Variants in HSD17B4 observed in about 807,000 individuals in gnomAD.
HSD17B4 encodes the protein hydroxysteroid 17-beta dehydrogenase 4, also known as peroxisomal multifunctional enzyme type 2.
A neutral mutation model predicts 101.0 loss-of-function variants in HSD17B4; 70 were observed. That is an observed-to-expected ratio of 0.69 (90% CI 0.57 to 0.85). The LOEUF is 0.85. Among genes scored for constraint, HSD17B4 ranks in the 40% least tolerant of loss-of-function variants. The pLI is 0.00. For synonymous variants in HSD17B4, 347 were observed against 297.1 expected, an observed-to-expected ratio of 1.17 and a Z score of -1.73; for missense variants, 984 against 892.4, an observed-to-expected ratio of 1.10 and a Z score of -1.31.
At chr5:119,531,445 C>G (rs910754382) in intron 22 of HSD17B4, 41 bp downstream of exon 22, 4 of 1,569,926 alleles carry the variant, frequency 2.5e-6, no homozygotes, top group Middle Eastern at 1.7e-4. Flanking sequence ...TAAGGTAATT[C>G]TTAGTAAATA....
chr5:119,471,567 T>A (rs1375589190), intron 2 of HSD17B4: 1 of 610,498 alleles, frequency 1.6e-6, no homozygotes, highest in Non-Finnish European at 2.5e-6. Context: ...ATTGTGTTAA[T>A]CATAACTATT....
At chr5:119,502,120 A>C (rs1751224896) in intron 14 of HSD17B4, 28 bp downstream of exon 14, 1 of 1,376,178 alleles carries the variant, frequency 7.3e-7, no homozygotes. Context: ...TAATTCCATA[A>C]TACCATACTT....
chr5:119,508,049 A>T (rs1275710219), intron 15 of HSD17B4, among the ~76,000 whole-genome samples: 1 of 152,042 alleles, frequency 6.6e-6, no homozygotes, highest in East Asian at 1.9e-4. Context: ...ATCAATTGAG[A>T]ACATTTTTGA....
chr5:119,487,234 T>C (rs1270214107), intron 8 of HSD17B4: 1 of 137,992 alleles, frequency 7.2e-6, no homozygotes, highest in Non-Finnish European at 1.6e-5. Context: ...CTAGGGACTC[T>C]TTTCTATTTT....
chr5:119,494,988 A>G (rs1223690717), intron 11 of HSD17B4, among the ~76,000 whole-genome samples: 2 of 152,018 alleles, frequency 1.3e-5, no homozygotes, highest in African/African-American at 4.8e-5. Context: ...TCTCATAGTA[A>G]TGTAATATTT....
chr5:119,530,266 A>C (rs1753950559), intron 21 of HSD17B4, among the ~76,000 whole-genome samples: 1 of 152,172 alleles, frequency 6.6e-6, no homozygotes, highest in South Asian at 2.1e-4. Flanking sequence ...ATCTTAAGCA[A>C]ACAGCGTTTT....
intron 19 of HSD17B4, 96 bp from the exon 20 acceptor site, chr5:119,527,037 C>A (rs913032400): frequency 2.9e-6 from 2 of 680,416 alleles, no homozygotes; most frequent in Non-Finnish European, 5.3e-6. Context: ...TTTTTTTTTT[C>A]TTTTGTGCTC....
At chr5:119,455,566 C>G (rs11742193) in intron 1 of HSD17B4, among the ~76,000 whole-genome samples, 1 of 120,010 alleles carries the variant, frequency 8.3e-6, no homozygotes, top group Non-Finnish European at 1.8e-5. Context: ...CTCTCTCTCT[C>G]TCTATATATA....
chr5:119,499,407 A>G lies in HSD17B4; in HGVS notation c.1063A>G (p.Ile355Val), dbSNP rs201340722. 2.5e-6 allele frequency: 4 copies of G among 1,613,722 alleles called. No homozygotes were observed. The highest frequency in any genetic ancestry group is 2.2e-5 in the East Asian group (1 of 44,832). ...IMYALGVGAS[I>V]KDPKDLKFIY... Reference sequence around the variant, plus strand: ...GTATGCCCTTGGAGTGGGAGCGTCAATCAAGGATCCAAAAGATTTGAAATT... The same window carrying G: ...GTATGCCCTTGGAGTGGGAGCGTCAGTCAAGGATCCAAAAGATTTGAAATT... The change falls in exon 13 of 24, where the codon ATC becomes GTC. Residue 355 changes from isoleucine to valine, a missense_variant. Transcript: ENST00000510025.
intron 9 of HSD17B4, among the ~76,000 whole-genome samples, chr5:119,491,731 G>A (rs1750126676): frequency 1.3e-5 from 2 of 152,040 alleles, no homozygotes; most frequent in South Asian, 4.1e-4. Context: ...TATATTGTTT[G>A]CTTCATGGTA....
intron 17 of HSD17B4, among the ~76,000 whole-genome samples, chr5:119,520,255 G>A (rs2126855900): frequency 6.6e-6 from 1 of 152,134 alleles, no homozygotes; most frequent in East Asian, 1.9e-4. Flanking sequence ...ATGGCAGCTG[G>A]GCAGGGCTGG....
chr5:119,503,838 G>A (rs984637611), intron 14 of HSD17B4, among the ~76,000 whole-genome samples: 5 of 151,544 alleles, frequency 3.3e-5, no homozygotes, highest in African/African-American at 2.4e-5. Flanking sequence ...GATTTATTAC[G>A]TGGGTGTATT....
At chr5:119,452,688 C>T in intron 1 of HSD17B4, 55 bp downstream of exon 1, 1 of 1,610,810 alleles carries the variant, frequency 6.2e-7, no homozygotes, top group Admixed American at 1.7e-5. Context: ...GCTGGCTGCT[C>T]TTTTCGGGCC....
chr5:119,506,838 G>T lies in HSD17B4; in HGVS notation c.1282G>T (p.Val428Phe). ...PRAGKLKCEA[V>F]VADVLDKGSG... The stretch of plus-strand genomic sequence containing the variant: ...TCTAGGAAAATTAAAATGTGAAGCA[G>T]TTGTTGCTGATGTCCTAGATAAAGG... Residue 428 changes from valine to phenylalanine, a missense_variant, in exon 15 of 24, where the codon GTT becomes TTT. Val to Phe is a conservative substitution (Grantham distance 50). Coordinates refer to ENST00000510025, the MANE Select transcript of HSD17B4 (RefSeq NM_000414.4). 1.3e-6 allele frequency: 2 copies of T among 1,586,558 alleles called. No individual in the cohort carries two copies. The highest frequency in any genetic ancestry group is 1.7e-6 in the Non-Finnish European group (2 of 1,155,928).
At chr5:119,528,273 C>G (rs1260267987) in intron 20 of HSD17B4, among the ~76,000 whole-genome samples, 1 of 152,050 alleles carries the variant, frequency 6.6e-6, no homozygotes, top group African/African-American at 2.4e-5. Context: ...ATTACAGGCC[C>G]CAAATGTCTT....
chr5:119,483,177 A>T (rs1343025793), intron 8 of HSD17B4, among the ~76,000 whole-genome samples: 2 of 152,134 alleles, frequency 1.3e-5, no homozygotes, highest in Non-Finnish European at 2.9e-5. Flanking sequence ...GTCTCCTCCT[A>T]AGATTGGGCC....
chr5:119,525,859 C>G (rs1320204764), intron 18 of HSD17B4, 58 bp from the exon 19 acceptor site: 1 of 990,006 alleles, frequency 1.0e-6, no homozygotes, highest in Non-Finnish European at 1.6e-6. Context: ...ATTAACTACA[C>G]TTGATTTTTA....
intron 17 of HSD17B4, among the ~76,000 whole-genome samples, chr5:119,521,276 A>G (rs1239844837): frequency 1.3e-5 from 2 of 152,146 alleles, no homozygotes; most frequent in African/African-American, 4.8e-5. Context: ...CTTCCCCTGT[A>G]AGTTACTTGA....
intron 2 of HSD17B4, among the ~76,000 whole-genome samples, chr5:119,471,469 A>C (rs541085131): frequency 3.9e-5 from 6 of 152,114 alleles, no homozygotes; most frequent in African/African-American, 1.4e-4. Context: ...TTATCCCATT[A>C]CTTATTTATC....
Sources: allele counts gnomAD v4.1 joint callset (sites outside exome capture counted in the v4.1 genomes callset), GRCh38; gene constraint gnomAD v4.1.1; transcripts MANE v1.5; gene names NCBI Gene and HGNC (gene_info 2026-07-23, HGNC 2026-07-21).